Variants in ASIC1 observed in about 807,000 individuals in gnomAD.
ASIC1 encodes the protein acid-sensing ion channel 1.
A neutral mutation model predicts 63.4 loss-of-function variants in ASIC1; 21 were observed. The ratio of observed to expected loss-of-function variants is 0.33; its 90% CI spans 0.23 to 0.48. ASIC1 has a LOEUF of 0.48. ASIC1 is among the 20% of genes least tolerant of loss of function. The probability of loss-of-function intolerance (pLI) is 0.99; values close to 1 mark genes in which losing one functional copy is unlikely to be tolerated. For missense variants in ASIC1, 478 were observed against 695.5 expected, an observed-to-expected ratio of 0.69 and a Z score of 3.52; for synonymous variants, 258 against 278.2, an observed-to-expected ratio of 0.93 and a Z score of 0.72.
intron 3 of ASIC1, among the ~76,000 whole-genome samples, chr12:50,064,177 G>A (rs1950525313): frequency 6.6e-6 from 1 of 152,088 alleles, no homozygotes; most frequent in Non-Finnish European, 1.5e-5. Context: ...AACTTTGGGG[G>A]AAGGGTTCCT....
intron 3 of ASIC1, among the ~76,000 whole-genome samples, chr12:50,071,761 T>A (rs982660095): frequency 1.3e-5 from 2 of 152,198 alleles, no homozygotes; most frequent in African/African-American, 4.8e-5. Context: ...TTCTTCTGCC[T>A]CAACCTCCCA....
At chr12:50,069,796 A>G (rs1358337869) in intron 3 of ASIC1, among the ~76,000 whole-genome samples, 2 of 152,010 alleles carry the variant, frequency 1.3e-5, no homozygotes, top group African/African-American at 4.8e-5. Flanking sequence ...AGTAAGCTCC[A>G]TGAGGGCAGG....
At chr12:50,076,481 G>A (rs1055348910) in intron 3 of ASIC1, among the ~76,000 whole-genome samples, 4 of 145,154 alleles carry the variant, frequency 2.8e-5, no homozygotes, top group African/African-American at 1.0e-4. Context: ...AAAAAAAACT[G>A]AGTTTGGGTC....
chr12:50,078,828 C>T lies in ASIC1; in HGVS notation c.995-96C>T. On this transcript the variant is annotated intron_variant, in intron 6 of 11. Coordinates refer to ENST00000447966, the MANE Select transcript of ASIC1 (RefSeq NM_001095.4). This position sits in a 1 kb window ranked among gnomAD's most constrained non-coding sequence, Gnocchi z 6.0. ...GGGCCTGCCAGTCCTCCCTTCCCATCTTCTCCCAGCTTACACCTTCTAGGC... is the reference window on the plus strand; with the variant it reads ...GGGCCTGCCAGTCCTCCCTTCCCATTTTCTCCCAGCTTACACCTTCTAGGC... The T allele has an allele frequency of 6.9e-7, 1 of 1,457,524 alleles. No homozygotes were observed. Among genetic ancestry groups the T allele is most frequent in the South Asian group, 1.1e-5 (1 of 87,488 alleles). The allele number at this position is 1,457,524 out of a possible 1,614,324, so 90.3% of individuals were successfully genotyped here. A position where few individuals can be genotyped will look rare whatever the true frequency, so the allele number is the denominator to read the frequency against.
chr12:50,074,554 C>T lies in ASIC1; in HGVS notation c.559-2659C>T, dbSNP rs550928157. Among the ~76,000 whole-genome samples, 3 of 152,346 alleles carry T rather than the reference C, an allele frequency of 2.0e-5. No homozygotes were observed. The South Asian group carries it at 6.2e-4, about 32-fold the overall frequency. On this transcript the variant is annotated intron_variant, in intron 3 of 11. Coordinates refer to ENST00000447966, the MANE Select transcript of ASIC1 (RefSeq NM_001095.4). The surrounding 1 kb of genome is among the most constrained non-coding windows in gnomAD (Gnocchi z 4.2). ...TTACCTGCCCTTCTCAAGACTTCCTCATGGTCCAGCAGGGCCCGGGACCTT... is the reference window on the plus strand; with the variant it reads ...TTACCTGCCCTTCTCAAGACTTCCTTATGGTCCAGCAGGGCCCGGGACCTT...
chr12:50,077,714 G>A (rs770489274), intron 4 of ASIC1, among the ~76,000 whole-genome samples: 1 of 152,154 alleles, frequency 6.6e-6, no homozygotes, highest in Non-Finnish European at 1.5e-5. Flanking sequence ...GAGAAATGGA[G>A]AGCATCTGAA....
In ASIC1 at chr12:50,077,371, A is replaced by T. The variant is rs1332431638; in HGVS notation, c.709+8A>T. The stretch of plus-strand genomic sequence containing the variant: ...CTGTGTGGGGGGAGACTGGTACGTC[A>T]CCCACTTCAGGGGCCCCTCTGCATG... On this transcript the variant is annotated splice_region_variant and intron_variant, in intron 4 of 11. Coordinates refer to ENST00000447966, the MANE Select transcript of ASIC1 (RefSeq NM_001095.4). 6.2e-7 allele frequency: 1 copy of T among 1,613,922 alleles called. No homozygotes were observed. Among genetic ancestry groups the T allele is most frequent in the South Asian group, 1.1e-5 (1 of 91,058 alleles).
At chr12:50,066,774 C>T (rs1047266667) in intron 3 of ASIC1, among the ~76,000 whole-genome samples, 4 of 152,176 alleles carry the variant, frequency 2.6e-5, no homozygotes, top group African/African-American at 4.8e-5. Flanking sequence ...TCACCCTCAG[C>T]GGATGACCTT....
At chr12:50,081,430 A>ACCCC in intron 11 of ASIC1, 66 bp downstream of exon 11, 1 of 785,022 alleles carries the variant, frequency 1.3e-6, no homozygotes, top group Non-Finnish European at 1.7e-6. Context: ...AACCCCGTCC[A>ACCCC]CCCCCGCCCA....
chr12:50,064,180 G>C (rs999077743), intron 3 of ASIC1, among the ~76,000 whole-genome samples: 1 of 152,070 alleles, frequency 6.6e-6, no homozygotes, highest in Admixed American at 6.5e-5. Flanking sequence ...TTTGGGGGAA[G>C]GGTTCCTGCC....
chr12:50,061,557 C>A (rs988707278), intron 3 of ASIC1, among the ~76,000 whole-genome samples: 1 of 152,282 alleles, frequency 6.6e-6, no homozygotes, highest in East Asian at 1.9e-4. Flanking sequence ...AAAGCCAGAG[C>A]CGCCTCCCTC....
chr12:50,066,460 T>C (rs1950546713), intron 3 of ASIC1, among the ~76,000 whole-genome samples: 1 of 152,162 alleles, frequency 6.6e-6, no homozygotes, highest in Non-Finnish European at 1.5e-5. Flanking sequence ...GGAATCCCGT[T>C]CCCAAGTTGA....
In ASIC1 at chr12:50,059,088, C is replaced by G; in HGVS notation, c.322C>G (p.Leu108Val). 6.2e-7 allele frequency: 1 copy of G among 1,614,096 alleles called. No individual in the cohort carries two copies. The highest frequency in any genetic ancestry group is 8.5e-7 in the Non-Finnish European group (1 of 1,180,020). The change falls in exon 2 of 12, where the codon CTG (leucine) becomes GTG (valine). Residue 108 changes from leucine to valine, a missense_variant. This residue lies in a region of ASIC1 where 290 missense variants were observed against 414.9 expected (regional missense o/e 0.70). Coordinates refer to ENST00000447966, the MANE Select transcript of ASIC1 (RefSeq NM_001095.4). The surrounding 1 kb of genome is among the most constrained non-coding windows in gnomAD (Gnocchi z 4.6). ...FRFSQVSKND[L>V]YHAGELLALL... The stretch of plus-strand genomic sequence containing the variant: ...CTTTAGCCAAGTCTCCAAGAATGAC[C>G]TGTATCATGCTGGGGAGCTGCTGGC...
rs553485125 is a variant in ASIC1 at position 50,067,025 on chromosome 12, G to A, written c.558+7071G>A. On this transcript the variant is annotated intron_variant, in intron 3 of 11. Transcript: ENST00000447966. ...ATTGACAATGAAACATGCTGAAGATGCTCTTGTCTTAAAATACATAGCTGT... is the reference window on the plus strand; with the variant it reads ...ATTGACAATGAAACATGCTGAAGATACTCTTGTCTTAAAATACATAGCTGT... Among the ~76,000 whole-genome samples, 4 of 152,210 alleles carry A rather than the reference G, an allele frequency of 2.6e-5. No individual in the cohort carries two copies. In the South Asian group the frequency reaches 8.3e-4, roughly 32 times the overall value.
At position 50,058,856 on chromosome 12, in the gene ASIC1, G is replaced by A. The variant is rs778784628; in HGVS notation, c.90G>A (p.Leu30=). The A allele has an allele frequency of 3.1e-6, 5 of 1,614,090 alleles. No homozygotes were observed. Among genetic ancestry groups the A allele is most frequent in the South Asian group, 1.1e-5 (1 of 91,080 alleles). Residue 30 remains leucine (L), a synonymous_variant, in exon 2 of 12, where the codon CTG becomes CTA. Transcript: ENST00000447966. The part of the protein sequence containing the change: ...AFASSSTLHG[L]AHIFSYERLS... ...CCAGCAGCTCCACACTGCACGGCCTGGCCCACATCTTCTCCTACGAGCGGC... is the reference window on the plus strand; with the variant it reads ...CCAGCAGCTCCACACTGCACGGCCTAGCCCACATCTTCTCCTACGAGCGGC...
At position 50,081,563 on chromosome 12, in the gene ASIC1, C is replaced by T. The variant is rs989125476; in HGVS notation, c.1501C>T (p.Arg501Trp). The T allele has an allele frequency of 5.0e-6, 8 of 1,614,120 alleles. No homozygotes were observed. The highest frequency in any genetic ancestry group is 5.9e-6 in the Non-Finnish European group (7 of 1,180,020). Residue 501 changes from arginine (R) to tryptophan (W), a missense_variant, in exon 12 of 12, where the codon CGG becomes TGG. Arg to Trp is a moderately radical substitution (Grantham distance 101). Around this residue, in one of 3 missense-constraint regions of ASIC1, gnomAD observed 104 missense variants for 97.0 expected, o/e 1.07. Coordinates refer to ENST00000447966, the MANE Select transcript of ASIC1 (RefSeq NM_001095.4). ...CCCCCAGAACCCGTGCGAGAGCCTT[C>T]GGGGCCACCCTGCCGGGATGACATA... Reference protein sequence around the residue: ...VKRHNPCESLRGHPAGMTYAA... With the variant: ...VKRHNPCESLWGHPAGMTYAA...
intron 3 of ASIC1, among the ~76,000 whole-genome samples, chr12:50,076,009 A>C (rs965559296): frequency 6.6e-6 from 1 of 151,648 alleles, no homozygotes; most frequent in Non-Finnish European, 1.5e-5. Context: ...ATTAACGCAC[A>C]CACCATGCCC....
chr12:50,062,663 AC>A (rs1950511214), intron 3 of ASIC1, among the ~76,000 whole-genome samples: 1 of 152,110 alleles, frequency 6.6e-6, no homozygotes, highest in Admixed American at 6.5e-5. Context: ...TCTAAGGGCA[AC>A]CCTCTTCTCA....
chr12:50,079,412 GA>G (rs1950692053), intron 7 of ASIC1, among the ~76,000 whole-genome samples: 1 of 151,244 alleles, frequency 6.6e-6, no homozygotes, highest in Non-Finnish European at 1.5e-5. Flanking sequence ...GACCCTGTCT[GA>G]GAATAATAAT....
Sources: gnomAD v4.1 joint callset for allele counts (sites outside exome capture counted in the v4.1 genomes callset) on GRCh38, gnomAD v4.1.1 for gene constraint, gnomAD v4.1.1 regional missense constraint, Gnocchi (gnomAD v3.1) non-coding constraint, MANE v1.5 for transcripts, NCBI Gene and HGNC (gene_info 2026-07-23, HGNC 2026-07-21) for gene names.